Variants in MAML3 observed in about 807,000 individuals in gnomAD.
The protein encoded by MAML3 is mastermind like transcriptional coactivator 3, also known as mastermind-like protein 3.
MAML3 carries 27 observed loss-of-function variants against 101.9 expected under a neutral mutation model. The observed-to-expected ratio is 0.27, with a 90% CI of 0.20 to 0.37. MAML3 has a LOEUF of 0.37. Ranked by LOEUF, MAML3 falls within the 10% of genes least tolerant of loss-of-function variation. MAML3 has a pLI of 1.00. For synonymous variants in MAML3, 501 were observed against 555.9 expected (o/e 0.90, Z 1.39); for missense variants, 1,316 against 1,444.9 (o/e 0.91, Z 1.45).
intron 2 of MAML3, among the ~76,000 whole-genome samples, chr4:139,799,342 C>G (rs1394675284): frequency 6.6e-6 from 1 of 152,214 alleles, no homozygotes; most frequent in Admixed American, 6.5e-5. Flanking sequence ...TATCCTGACA[C>G]TATACATCAA....
At position 140,058,030 on chromosome 4, in the gene MAML3, C is replaced by T. The variant is rs542354943; in HGVS notation, c.468+94830G>A. 4.7e-5 allele frequency among the ~76,000 whole-genome samples: 7 copies of T among 147,454 alleles called. No homozygotes were observed. In the South Asian group the frequency reaches 6.8e-4, roughly 14 times the overall value. On this transcript the variant is annotated intron_variant, in intron 1 of 4. Transcript: ENST00000509479. ...GGTTGATGAAAGACCTCTGATTAAACGTACAGTTACTCTGTCCCTTTTTAA... is the reference window on the plus strand; with the variant it reads ...GGTTGATGAAAGACCTCTGATTAAATGTACAGTTACTCTGTCCCTTTTTAA...
chr4:139,931,733 G>T (rs1733398907), intron 1 of MAML3, among the ~76,000 whole-genome samples: 1 of 152,060 alleles, frequency 6.6e-6, no homozygotes, highest in South Asian at 2.1e-4. Context: ...AAATAAGCCT[G>T]GCTCGGTGGC....
rs546195753 is a variant in MAML3 at position 140,126,167 on chromosome 4, C to T, written c.468+26693G>A. On this transcript the variant is annotated intron_variant, in intron 1 of 4. Transcript: ENST00000509479. ...AATAATAATAAAGGACTGTAATAAG[C>T]ATTGTTTAAAAAAAAAAAAAAAAAA... Among the ~76,000 whole-genome samples, 9 of 92,386 alleles carry T rather than the reference C, an allele frequency of 9.7e-5. No homozygotes were observed. In the South Asian group the frequency reaches 4.1e-3, roughly 42 times the overall value. 60.6% of individuals were successfully genotyped at this position (92,386 alleles called of 152,430 possible).
At chr4:139,739,489 C>T (rs549423140) in intron 2 of MAML3, among the ~76,000 whole-genome samples, 2 of 152,132 alleles carry the variant, frequency 1.3e-5, no homozygotes, top group South Asian at 2.1e-4. Context: ...TGATTAATTC[C>T]ACCACCAAAG....
At chr4:140,145,794 G>A (rs1051835405) in intron 1 of MAML3, among the ~76,000 whole-genome samples, 3 of 151,578 alleles carry the variant, frequency 2.0e-5, no homozygotes, top group African/African-American at 4.8e-5. Context: ...TCGAACTCCT[G>A]ACCTCGTGAT....
intron 1 of MAML3, among the ~76,000 whole-genome samples, chr4:139,916,214 C>T (rs1300783128): frequency 6.6e-6 from 1 of 152,172 alleles, no homozygotes; most frequent in African/African-American, 2.4e-5. Context: ...AACTATTCCA[C>T]AGCCTGGCTC....
At chr4:139,920,540 T>C (rs1313646095) in intron 1 of MAML3, among the ~76,000 whole-genome samples, 4 of 152,248 alleles carry the variant, frequency 2.6e-5, no homozygotes. Flanking sequence ...AACTTTACTA[T>C]GAATTACATT....
chr4:139,764,928 G>T (rs1729828095), intron 2 of MAML3, among the ~76,000 whole-genome samples: 3 of 137,778 alleles, frequency 2.2e-5, no homozygotes, highest in Admixed American at 7.5e-5. Context: ...AGCTCCCAAT[G>T]CAGGGCTGGG....
intron 1 of MAML3, among the ~76,000 whole-genome samples, chr4:139,987,679 T>G (rs1007636313): frequency 3.3e-5 from 5 of 151,898 alleles, no homozygotes; most frequent in Non-Finnish European, 7.4e-5. Context: ...TGGAGTCTGG[T>G]GCACCTTCCC....
chr4:140,135,442 T>A (rs1728867419), intron 1 of MAML3, among the ~76,000 whole-genome samples: 1 of 152,260 alleles, frequency 6.6e-6, no homozygotes, highest in Non-Finnish European at 1.5e-5. Flanking sequence ...TGGAGGAAAC[T>A]GTCCCTCTGT....
At chr4:140,012,180 T>C (rs1726574335) in intron 1 of MAML3, among the ~76,000 whole-genome samples, 1 of 152,140 alleles carries the variant, frequency 6.6e-6, no homozygotes, top group Non-Finnish European at 1.5e-5. Context: ...AGCTATTCAA[T>C]GAGAAAAAGA....
intron 1 of MAML3, among the ~76,000 whole-genome samples, chr4:140,124,805 G>GTAATTTC (rs1728660454): frequency 6.6e-6 from 1 of 152,146 alleles, no homozygotes; most frequent in Non-Finnish European, 1.5e-5. Context: ...AAAAGCCCTG[G>GTAATTTC]TGCAGGTGGC....
chr4:139,774,880 AAG>A (rs1730063286), intron 2 of MAML3, among the ~76,000 whole-genome samples: 1 of 152,198 alleles, frequency 6.6e-6, no homozygotes, highest in South Asian at 2.1e-4. Flanking sequence ...CTTTGGAGGA[AAG>A]AGAAATAAAT....
intron 1 of MAML3, among the ~76,000 whole-genome samples, chr4:140,006,958 T>G (rs1342529904): frequency 3.9e-5 from 6 of 152,142 alleles, no homozygotes; most frequent in Non-Finnish European, 2.9e-5. Flanking sequence ...TGGTTATGTT[T>G]AAAGAACAAA....
intron 1 of MAML3, among the ~76,000 whole-genome samples, chr4:139,978,449 T>C (rs1734384249): frequency 6.6e-6 from 1 of 152,064 alleles, no homozygotes; most frequent in Non-Finnish European, 1.5e-5. Context: ...CAAGTGCCAC[T>C]TCTCTCTGAA....
At chr4:139,771,235 T>G (rs150742352) in intron 2 of MAML3, among the ~76,000 whole-genome samples, 1 of 152,364 alleles carries the variant, frequency 6.6e-6, no homozygotes, top group Middle Eastern at 3.4e-3. Context: ...AGCCATTGTA[T>G]AGACTGTACA....
At chr4:139,809,663 A>G (rs1053365074) in intron 2 of MAML3, among the ~76,000 whole-genome samples, 1 of 152,042 alleles carries the variant, frequency 6.6e-6, no homozygotes, top group Non-Finnish European at 1.5e-5. Context: ...CGGAAACCAT[A>G]TGTGTTCTCA....
chr4:139,989,876 CACACACAGAGAG>C (rs61397955), intron 1 of MAML3, among the ~76,000 whole-genome samples: 8,601 of 53,810 alleles, frequency 0.16, 731 homozygotes, highest in African/African-American at 0.3. Flanking sequence ...CACACACACA[CACACACAGAGAG>C]AGAGAGAGAG....
chr4:139,887,725 T>C (rs1049945321), intron 2 of MAML3, among the ~76,000 whole-genome samples: 1 of 152,218 alleles, frequency 6.6e-6, no homozygotes, highest in African/African-American at 2.4e-5. Context: ...CTGTAGCTAG[T>C]GTAAGAACAG....
Sources: gnomAD v4.1 joint callset for allele counts (sites outside exome capture counted in the v4.1 genomes callset) on GRCh38, gnomAD v4.1.1 for gene constraint, MANE v1.5 for transcripts, NCBI Gene and HGNC (gene_info 2026-07-23, HGNC 2026-07-21) for gene names.